Variants in ESRRG observed in about 807,000 individuals in gnomAD.
ESRRG encodes estrogen-related receptor gamma.
Under a neutral mutation model 44.0 loss-of-function variants are expected in ESRRG, and 13 were observed. That is an observed-to-expected ratio of 0.30 (90% CI 0.19 to 0.47). The LOEUF (loss-of-function observed/expected upper bound fraction) is 0.47. Among genes scored for constraint, ESRRG ranks in the 20% least tolerant of loss-of-function variants. The pLI is 1.00. For missense variants in ESRRG, 395 were observed against 580.6 expected, an observed-to-expected ratio of 0.68 and a Z score of 3.29; for synonymous variants, 215 against 214.6, an observed-to-expected ratio of 1.00 and a Z score of -0.02.
intron 3 of ESRRG, among the ~76,000 whole-genome samples, chr1:216,598,470 T>A (rs2058745111): frequency 6.6e-6 from 1 of 152,224 alleles, no homozygotes; most frequent in Non-Finnish European, 1.5e-5. Flanking sequence ...ACAACCCACC[T>A]TGTGAGACTG....
At chr1:217,055,752 AG>A (rs2086957551) in intron 1 of ESRRG, among the ~76,000 whole-genome samples, 1 of 69,032 alleles carries the variant, frequency 1.4e-5, no homozygotes, top group African/African-American at 3.8e-5. Flanking sequence ...TGAGGCCACC[AG>A]AGTCTCCTTT....
chr1:216,613,721 C>G (rs2060990802), intron 3 of ESRRG, among the ~76,000 whole-genome samples: 1 of 152,204 alleles, frequency 6.6e-6, no homozygotes, highest in African/African-American at 2.4e-5. Context: ...TGACCATTCA[C>G]AGTGGCAACA....
At chr1:217,014,717 T>C (rs1253620294) in intron 1 of ESRRG, among the ~76,000 whole-genome samples, 1 of 152,176 alleles carries the variant, frequency 6.6e-6, no homozygotes, top group Non-Finnish European at 1.5e-5. Context: ...AAAGAGGAAA[T>C]TCAGGAGATG....
At chr1:216,527,087 C>A (rs1237289978) in intron 5 of ESRRG, among the ~76,000 whole-genome samples, 2 of 152,100 alleles carry the variant, frequency 1.3e-5, no homozygotes, top group African/African-American at 4.8e-5. Context: ...AGACATAATC[C>A]TTGTCATCTA....
At chr1:217,097,843 T>TGAAA (rs368950995) in intron 1 of ESRRG, among the ~76,000 whole-genome samples, 1 of 139,050 alleles carries the variant, frequency 7.2e-6, no homozygotes, top group Non-Finnish European at 1.5e-5. Context: ...CCAGGCTGCT[T>TGAAA]AAAAAAAAAA....
chr1:216,707,454 A>G, intron 1 of ESRRG: 1 of 1,535,428 alleles, frequency 6.5e-7, no homozygotes, highest in Non-Finnish European at 8.7e-7. Flanking sequence ...CACAATTCCT[A>G]ATTACATTCA....
At chr1:216,957,801 T>C (rs1329679187) in intron 1 of ESRRG, among the ~76,000 whole-genome samples, 3 of 152,182 alleles carry the variant, frequency 2.0e-5, no homozygotes, top group Non-Finnish European at 2.9e-5. Flanking sequence ...ATCCATTAAA[T>C]AACTAATTAT....
intron 2 of ESRRG, among the ~76,000 whole-genome samples, chr1:216,873,801 C>T (rs1467304497): frequency 6.7e-6 from 1 of 148,898 alleles, no homozygotes; most frequent in African/African-American, 2.5e-5. Flanking sequence ...CCTGTAGGCA[C>T]CTGTTGCCAT....
At chr1:217,011,011 C>A (rs916106993) in intron 1 of ESRRG, among the ~76,000 whole-genome samples, 1 of 152,178 alleles carries the variant, frequency 6.6e-6, no homozygotes, top group African/African-American at 2.4e-5. Flanking sequence ...CAACAGCCTG[C>A]AAATTCCAAC....
At chr1:217,004,360 T>G (rs189655366) in intron 1 of ESRRG, among the ~76,000 whole-genome samples, 1 of 152,178 alleles carries the variant, frequency 6.6e-6, no homozygotes, top group Non-Finnish European at 1.5e-5. Context: ...AAAACTGTTC[T>G]AGTGGTAGTG....
intron 2 of ESRRG, chr1:216,865,260 C>T (rs2149141424): frequency 7.4e-6 from 1 of 134,936 alleles, no homozygotes; most frequent in Non-Finnish European, 1.6e-5. Context: ...AGAAATTTCA[C>T]TCTCATAGAT....
At chr1:216,927,895 T>C (rs1200747056) in intron 2 of ESRRG, among the ~76,000 whole-genome samples, 1 of 152,212 alleles carries the variant, frequency 6.6e-6, no homozygotes, top group East Asian at 1.9e-4. Flanking sequence ...CTTAGAAAAC[T>C]GTAGCTAAGA....
intron 3 of ESRRG, among the ~76,000 whole-genome samples, chr1:216,588,425 T>C (rs1360832301): frequency 6.6e-6 from 1 of 152,210 alleles, no homozygotes; most frequent in African/African-American, 2.4e-5. Flanking sequence ...ACTCTGGCAT[T>C]ATCAAACATA....
chr1:217,093,370 G>GT (rs1284075080), upstream of ESRRG, among the ~76,000 whole-genome samples: 5 of 151,880 alleles, frequency 3.3e-5, no homozygotes, highest in African/African-American at 1.2e-4. Flanking sequence ...AGTGAGACTT[G>GT]TTTTTTTGAA....
At chr1:216,635,791 C>T (rs565093078) in intron 3 of ESRRG, among the ~76,000 whole-genome samples, 10 of 152,132 alleles carry the variant, frequency 6.6e-5, no homozygotes, top group South Asian at 2.1e-4. Flanking sequence ...ACATGGACAG[C>T]GAGCAATGTG....
intron 1 of ESRRG, among the ~76,000 whole-genome samples, chr1:216,713,687 C>T (rs1464423902): frequency 6.6e-6 from 1 of 152,168 alleles, no homozygotes; most frequent in Non-Finnish European, 1.5e-5. Flanking sequence ...TCAACATATT[C>T]ACCTGTAATT....
intron 1 of ESRRG, among the ~76,000 whole-genome samples, chr1:216,963,431 C>T (rs2818781): frequency 0.52 from 78,359 of 151,862 alleles, 21,929 homozygotes; most frequent in Middle Eastern, 0.7. Context: ...AAAGTTAATA[C>T]AATTCATTAG....
intron 2 of ESRRG, among the ~76,000 whole-genome samples, chr1:216,882,399 CAGG>C (rs2149326068): frequency 6.6e-6 from 1 of 152,218 alleles, no homozygotes; most frequent in East Asian, 1.9e-4. Flanking sequence ...TTAACTTTCT[CAGG>C]AGAACAGCAA....
chr1:216,952,682 A>C (rs1297903640), intron 1 of ESRRG, among the ~76,000 whole-genome samples: 4 of 152,154 alleles, frequency 2.6e-5, no homozygotes, highest in African/African-American at 9.7e-5. Flanking sequence ...AAAATTGGTT[A>C]AAAATACATG....
Sources: gnomAD v4.1 joint callset for allele counts (sites outside exome capture counted in the v4.1 genomes callset) on GRCh38, gnomAD v4.1.1 for gene constraint, MANE v1.5 for transcripts, NCBI Gene and HGNC (gene_info 2026-07-23, HGNC 2026-07-21) for gene names.